Variants in PLEKHG1 observed in about 807,000 individuals in gnomAD.
The protein encoded by PLEKHG1 is pleckstrin homology and RhoGEF domain containing G1, also known as pleckstrin homology domain-containing family G member 1.
In PLEKHG1, 44 loss-of-function variants were observed where a neutral mutation model predicts 100.8. That is an observed-to-expected ratio of 0.44 (90% CI 0.34 to 0.56). The LOEUF (loss-of-function observed/expected upper bound fraction) is 0.56. Ranked by LOEUF, PLEKHG1 falls within the 20% of genes least tolerant of loss-of-function variation. PLEKHG1 has a pLI of 0.01. For synonymous variants in PLEKHG1, 640 were observed against 662.5 expected, an observed-to-expected ratio of 0.97 and a Z score of 0.52; for missense variants, 1,545 against 1,720.9, an observed-to-expected ratio of 0.90 and a Z score of 1.81.
At chr6:150,680,015 C>A (rs1779881532) in intron 3 of PLEKHG1, among the ~76,000 whole-genome samples, 2 of 152,126 alleles carry the variant, frequency 1.3e-5, no homozygotes, top group African/African-American at 2.4e-5. Context: ...AGGATGGGAA[C>A]ATGTGAGTGC....
intron 3 of PLEKHG1, among the ~76,000 whole-genome samples, chr6:150,672,526 C>T (rs1779616926): frequency 6.6e-6 from 1 of 152,170 alleles, no homozygotes; most frequent in African/African-American, 2.4e-5. Context: ...ATTAGTTGCT[C>T]ATTCTAAGTA....
chr6:150,631,033 G>A (rs1199426891), intron 1 of PLEKHG1, among the ~76,000 whole-genome samples: 5 of 152,152 alleles, frequency 3.3e-5, no homozygotes, highest in Non-Finnish European at 5.9e-5. Flanking sequence ...AAAGTCTGAT[G>A]ATCCTTCTTA....
At chr6:150,786,866 C>A (rs936332961) in intron 4 of PLEKHG1, among the ~76,000 whole-genome samples, 6 of 151,772 alleles carry the variant, frequency 4.0e-5, no homozygotes, top group Admixed American at 3.3e-4. Context: ...CCCGTCTCTA[C>A]TAAAAACACA....
chr6:150,682,923 A>C (rs1779984682), intron 3 of PLEKHG1, among the ~76,000 whole-genome samples: 1 of 152,184 alleles, frequency 6.6e-6, no homozygotes, highest in Non-Finnish European at 1.5e-5. Context: ...AGGATGAAAC[A>C]TGCCACACAC....
exon 16 of PLEKHG1, chr6:150,842,571 A>G (rs1168889766): frequency 1.3e-5 from 2 of 152,224 alleles, no homozygotes; most frequent in Non-Finnish European, 2.9e-5. Context: ...TTCTTCTCAT[A>G]GCTTATAAAA....
intron 1 of PLEKHG1, among the ~76,000 whole-genome samples, chr6:150,629,769 T>C (rs1244682323): frequency 6.6e-6 from 1 of 152,196 alleles, no homozygotes; most frequent in Non-Finnish European, 1.5e-5. Context: ...GAATCATCCA[T>C]TTTTTAAAAA....
At chr6:150,835,037 C>T (rs1777152133) in intron 15 of PLEKHG1, among the ~76,000 whole-genome samples, 1 of 152,134 alleles carries the variant, frequency 6.6e-6, no homozygotes, top group African/African-American at 2.4e-5. Flanking sequence ...TGCCGCTTTG[C>T]CAGGAGCTTG....
chr6:150,783,851 T>C (rs1463106234), intron 3 of PLEKHG1, among the ~76,000 whole-genome samples: 1 of 152,250 alleles, frequency 6.6e-6, no homozygotes, highest in African/African-American at 2.4e-5. Flanking sequence ...GCCCACATAT[T>C]TCTAGAAAAA....
intron 4 of PLEKHG1, among the ~76,000 whole-genome samples, chr6:150,787,544 T>G (rs193037794): frequency 2.2e-4 from 33 of 152,364 alleles, no homozygotes; most frequent in Admixed American, 2.0e-3. Flanking sequence ...CATTTGTAGT[T>G]TGAAATGCAC....
intron 13 of PLEKHG1, 42 bp from the exon 15 acceptor site, chr6:150,823,612 C>T (rs774102215): frequency 1.2e-5 from 17 of 1,401,942 alleles, no homozygotes; most frequent in Non-Finnish European, 1.7e-5. Context: ...ATAGGAGGTA[C>T]ATTTTCATTC....
At chr6:150,796,131 A>G (rs1004206302) in intron 5 of PLEKHG1, among the ~76,000 whole-genome samples, 4 of 152,292 alleles carry the variant, frequency 2.6e-5, no homozygotes, top group South Asian at 4.1e-4. Flanking sequence ...GTAAAAGTCT[A>G]TGGAGAAACC....
At chr6:150,712,940 T>C (rs1354998250) in intron 3 of PLEKHG1, among the ~76,000 whole-genome samples, 1 of 152,236 alleles carries the variant, frequency 6.6e-6, no homozygotes, top group Non-Finnish European at 1.5e-5. Flanking sequence ...AGGAAAATAG[T>C]GCAAATGCTT....
chr6:150,776,162 C>T (rs1447312025), intron 3 of PLEKHG1, among the ~76,000 whole-genome samples: 1 of 152,172 alleles, frequency 6.6e-6, no homozygotes, highest in South Asian at 2.1e-4. Context: ...CCTCTCATTT[C>T]CCACCCAACT....
At chr6:150,795,740 C>CATATAT (rs34933769) in intron 4 of PLEKHG1, 116 bp from the exon 6 acceptor site, 4 of 411,644 alleles carry the variant, frequency 9.7e-6, no homozygotes, top group East Asian at 4.0e-5. Flanking sequence ...AAACAAAAAA[C>CATATAT]ATATATATAT....
intron 1 of PLEKHG1, among the ~76,000 whole-genome samples, chr6:150,723,838 G>C (rs1447859815): frequency 6.6e-6 from 1 of 152,206 alleles, no homozygotes; most frequent in Non-Finnish European, 1.5e-5. Context: ...TTCAGGAAAG[G>C]CTGTGCTAGG....
chr6:150,824,931 T>C (rs1056982632), intron 14 of PLEKHG1, among the ~76,000 whole-genome samples: 3 of 152,130 alleles, frequency 2.0e-5, no homozygotes, highest in Non-Finnish European at 4.4e-5. Context: ...ACTTATTAAT[T>C]GGTTCATTGT....
exon 16 of PLEKHG1, chr6:150,842,254 G>C (rs144863745): frequency 1.3e-5 from 2 of 152,302 alleles, no homozygotes; most frequent in African/African-American, 4.8e-5. Context: ...TTTCTCAAGC[G>C]GTGGCCTTTG....
At chr6:150,680,393 A>G (rs1779893457) in intron 3 of PLEKHG1, among the ~76,000 whole-genome samples, 1 of 152,208 alleles carries the variant, frequency 6.6e-6, no homozygotes, top group African/African-American at 2.4e-5. Flanking sequence ...AAGAGGGTCC[A>G]GTTTGGGAGG....
chr6:150,775,685 C>A (rs1784926162), intron 3 of PLEKHG1, among the ~76,000 whole-genome samples: 3 of 152,192 alleles, frequency 2.0e-5, no homozygotes, highest in African/African-American at 7.2e-5. Flanking sequence ...AAAAGAAATT[C>A]TTTGGGCCAC....
Sources: gnomAD v4.1 joint callset for allele counts (sites outside exome capture counted in the v4.1 genomes callset) on GRCh38, gnomAD v4.1.1 for gene constraint, MANE v1.5 for transcripts, NCBI Gene and HGNC (gene_info 2026-07-23, HGNC 2026-07-21) for gene names.